Variants in CRYGA observed in about 807,000 individuals in gnomAD.
CRYGA encodes the protein gamma-crystallin A.
Under a neutral mutation model 13.8 loss-of-function variants are expected in CRYGA, and 11 were observed. The ratio of observed to expected loss-of-function variants is 0.80; its 90% CI spans 0.50 to 1.32. The LOEUF (loss-of-function observed/expected upper bound fraction) is 1.32, where lower values mean the gene tolerates loss of function less well. Ranked by LOEUF, CRYGA falls within the 40% of genes most tolerant of loss-of-function variation. The pLI, the probability that CRYGA is intolerant of heterozygous loss-of-function variation, is 0.00. For missense variants in CRYGA, 271 were observed against 234.1 expected, an observed-to-expected ratio of 1.16 and a Z score of -1.03; for synonymous variants, 97 against 89.3, an observed-to-expected ratio of 1.09 and a Z score of -0.48.
At chr2:208,162,280 G>T (rs1028221339) in intron 2 of CRYGA, among the ~76,000 whole-genome samples, 5 of 152,086 alleles carry the variant, frequency 3.3e-5, no homozygotes, top group Middle Eastern at 3.2e-3. Flanking sequence ...ACATAATTTG[G>T]TGCCAACAGA....
At position 208,160,991 on chromosome 2, in the gene CRYGA, GGA is replaced by G; in HGVS notation, c.336_337del (p.Pro113ArgfsTer7). On this transcript the variant is annotated frameshift_variant, in exon 3 of 3. Coordinates refer to ENST00000304502, the MANE Select transcript of CRYGA (RefSeq NM_014617.4). LOFTEE classifies it high-confidence loss of function. ...GATCTCAGGGAGACGGAACAGTTCT[GGA>G]ACACAGGCGCAGTCATCAGTGAGCT... 3 of 1,613,864 alleles carry G rather than the reference GGA, an allele frequency of 1.9e-6. No homozygotes were observed. Among genetic ancestry groups the G allele is most frequent in the Non-Finnish European group, 2.5e-6 (3 of 1,179,818 alleles).
chr2:208,163,088 G>T (rs1422475622), intron 2 of CRYGA, 116 bp downstream of exon 2: 2 of 825,598 alleles, frequency 2.4e-6, no homozygotes, highest in East Asian at 2.5e-5. Context: ...GTCAGGCCTT[G>T]CTATTCTTAC....
chr2:208,161,466 A>AGC (rs748760743), intron 2 of CRYGA, among the ~76,000 whole-genome samples: 138,698 of 152,268 alleles, frequency 0.91, 63,672 homozygotes, highest in Non-Finnish European at 0.96. Context: ...AAATGTTGGG[A>AGC]TTGCACCTGG....
rs531952695 is a variant in CRYGA, at chr2:208,163,449, G to T, written c.10-3C>A. The stretch of plus-strand genomic sequence containing the variant: ...TCTCGGTCCTCGTAGAAGGTGATCT[G>T]AGGTAGAAATAAGGTGACAGTAGAC... On this transcript the variant is annotated splice_region_variant and splice_polypyrimidine_tract_variant and intron_variant, in intron 1 of 2. Coordinates refer to ENST00000304502, the MANE Select transcript of CRYGA (RefSeq NM_014617.4). 2 of 1,613,564 alleles carry T rather than the reference G, an allele frequency of 1.2e-6. No individual in the cohort carries two copies. Among genetic ancestry groups the T allele is most frequent in the South Asian group, 2.2e-5 (2 of 91,044 alleles).
At chr2:208,163,501 C>T (rs374303156) in intron 1 of CRYGA, 47 bp downstream of exon 1, 545 of 1,612,292 alleles carry the variant, frequency 3.4e-4, no homozygotes, top group Non-Finnish European at 4.3e-4. Flanking sequence ...CATCCCCACA[C>T]ACCACAGACC....
intron 2 of CRYGA, among the ~76,000 whole-genome samples, chr2:208,162,358 T>C (rs1229737938): frequency 6.6e-6 from 1 of 152,208 alleles, no homozygotes; most frequent in Non-Finnish European, 1.5e-5. Context: ...CCATGTTCTA[T>C]GAAATCCTAA....
intron 2 of CRYGA, 127 bp from the exon 3 acceptor site, chr2:208,161,203 T>G: frequency 2.1e-6 from 2 of 936,298 alleles, no homozygotes; most frequent in South Asian, 1.7e-5. Flanking sequence ...ATAAAGGTCT[T>G]GCTGTGTTGC....
At position 208,163,378 on chromosome 2, in the gene CRYGA, C is replaced by A. The variant is rs201827303; in HGVS notation, c.78G>T (p.Leu26=). 814 of 1,613,938 alleles carry A rather than the reference C, an allele frequency of 5.0e-4. 9 individuals are homozygous for A. In the South Asian group the frequency reaches 8.5e-3, roughly 17 times the overall value. Residue 26 remains leucine (L), a synonymous_variant, in exon 2 of 3, where the codon CTG becomes CTT. Coordinates refer to ENST00000304502, the MANE Select transcript of CRYGA (RefSeq NM_014617.4). ...CYNCISDCPN[L]RVYFSRCNSI... is the part of the protein sequence containing the mutation. Reference sequence around the variant, plus strand: ...AGTTGCAGCGGCTGAAGTAGACCCGCAGGTTGGGGCAGTCACTGATGCAAT... The same window carrying A: ...AGTTGCAGCGGCTGAAGTAGACCCGAAGGTTGGGGCAGTCACTGATGCAAT...
In CRYGA at chr2:208,163,459, T is replaced by A; in HGVS notation, c.10-13A>T. 6 of 1,612,876 alleles carry A rather than the reference T, an allele frequency of 3.7e-6. No homozygotes were observed. Among genetic ancestry groups the A allele is most frequent in the Non-Finnish European group, 5.1e-6 (6 of 1,179,832 alleles). On this transcript the variant is annotated splice_polypyrimidine_tract_variant and intron_variant, in intron 1 of 2. Transcript: ENST00000304502. ...CGTAGAAGGTGATCTGAGGTAGAAATAAGGTGACAGTAGACAGTCAGCTGG... is the reference window on the plus strand; with the variant it reads ...CGTAGAAGGTGATCTGAGGTAGAAAAAAGGTGACAGTAGACAGTCAGCTGG...
chr2:208,160,910 C>G lies in CRYGA; in HGVS notation c.419G>C (p.Arg140Pro). 6.2e-7 allele frequency: 1 copy of G among 1,612,986 alleles called. No homozygotes were observed. The highest frequency in any genetic ancestry group is 8.5e-7 in the Non-Finnish European group (1 of 1,179,082). Residue 140 changes from arginine to proline, a missense_variant, in exon 3 of 3, where the codon CGG (arginine) becomes CCG (proline). Arg to Pro is a moderately radical substitution (Grantham distance 103). Transcript: ENST00000304502. ...AGGCCTCAGCAGATACTGCCGCCCC[C>G]GGTAGTTGGGCATTTCATAGAGGAC... ...CWVLYEMPNYRGRQYLLRPGD... is the reference protein window; with the variant it reads ...CWVLYEMPNYPGRQYLLRPGD...
chr2:208,161,152 T>C lies in CRYGA; in HGVS notation c.253-76A>G, dbSNP rs891762079. The C allele has an allele frequency of 4.4e-6, 6 of 1,373,610 alleles. No individual in the cohort carries two copies. The African/African-American group carries it at 7.2e-5, about 17-fold the overall frequency. The allele number at this position is 1,373,610 out of a possible 1,614,324, so 85.1% of individuals were successfully genotyped here. A position where few individuals can be genotyped will look rare whatever the true frequency, so the allele number is the denominator to read the frequency against. ...GTGTCAACGAAAGTGACACAATCAGTCTGCATCTTCATGAAGCATGGCTTT... is the reference window on the plus strand; with the variant it reads ...GTGTCAACGAAAGTGACACAATCAGCCTGCATCTTCATGAAGCATGGCTTT... On this transcript the variant is annotated intron_variant, in intron 2 of 2. Transcript: ENST00000304502.
Position 208,163,203 on chromosome 2 carries a change from C to T in CRYGA, c.252+1G>A. The T allele has an allele frequency of 1.2e-6, 2 of 1,611,740 alleles. No individual in the cohort carries two copies. The highest frequency in any genetic ancestry group is 1.3e-5 in the African/African-American group (1 of 74,946). Reference sequence around the variant, plus strand: ...ATCAGTCAAGTTGAAGCAAGACTCACATGAGGAATTATACGGCAGGATTGG... The same window carrying T: ...ATCAGTCAAGTTGAAGCAAGACTCATATGAGGAATTATACGGCAGGATTGG... On this transcript the variant is annotated splice_donor_variant, in intron 2 of 2. Transcript: ENST00000304502. LOFTEE classifies it high-confidence loss of function.
intron 2 of CRYGA, among the ~76,000 whole-genome samples, chr2:208,162,038 G>T (rs1040941104): frequency 6.6e-6 from 1 of 152,118 alleles, no homozygotes; most frequent in African/African-American, 2.4e-5. Flanking sequence ...CTGGGTTCAA[G>T]CAATTCTCCT....
intron 1 of CRYGA, 24 bp from the exon 2 acceptor site, chr2:208,163,470 T>TAGA: frequency 6.2e-7 from 1 of 1,612,586 alleles, no homozygotes; most frequent in Non-Finnish European, 8.5e-7. Flanking sequence ...AAGGTGACAG[T>TAGA]AGACAGTCAG....
intron 2 of CRYGA, 44 bp downstream of exon 2, chr2:208,163,160 G>C (rs777353293): frequency 3.2e-5 from 49 of 1,534,530 alleles, no homozygotes; most frequent in Non-Finnish European, 4.3e-5. Context: ...GATGGCCATG[G>C]ATCATTGATG....
Position 208,163,294 on chromosome 2 carries a change from G to A in CRYGA, c.162C>T (p.His54=). Residue 54 remains histidine, a synonymous_variant, in exon 2 of 3, where the codon CAC becomes CAT. Transcript: ENST00000304502. Reference sequence around the variant, plus strand: ...ACTTGCCTCGGCGCAGGAAGTACTGGTGGCCCTGGTAATTGGGACGCTCAT... The same window carrying A: ...ACTTGCCTCGGCGCAGGAAGTACTGATGGCCCTGGTAATTGGGACGCTCAT... ...MLYERPNYQG[H]QYFLRRGKYP... 1 of 1,614,072 alleles carries A rather than the reference G, an allele frequency of 6.2e-7. No individual in the cohort carries two copies. The highest frequency in any genetic ancestry group is 8.5e-7 in the Non-Finnish European group (1 of 1,180,032).
In CRYGA at chr2:208,160,871, C is replaced by A. The variant is rs777727117; in HGVS notation, c.458G>T (p.Arg153Met). The change falls in exon 3 of 3, where the codon AGG (arginine) becomes ATG (methionine). Residue 153 changes from arginine (R) to methionine (M), a missense_variant. Coordinates refer to ENST00000304502, the MANE Select transcript of CRYGA (RefSeq NM_014617.4). ...ATCTGCACCCCCCCAGTCGTGGTACCTTCTGTAGTCCCCAGGCCTCAGCAG... is the reference window on the plus strand; with the variant it reads ...ATCTGCACCCCCCCAGTCGTGGTACATTCTGTAGTCCCCAGGCCTCAGCAG... The part of the protein sequence containing the change: ...QYLLRPGDYR[R>M]YHDWGGADAK... 6.2e-7 allele frequency: 1 copy of A among 1,612,970 alleles called. No homozygotes were observed. The highest frequency in any genetic ancestry group is 8.5e-7 in the Non-Finnish European group (1 of 1,179,008).
Position 208,161,049 on chromosome 2 carries a change from C to T in CRYGA, c.280G>A (p.Glu94Lys), listed in dbSNP as rs754506647. 11 of 1,614,004 alleles carry T rather than the reference C, an allele frequency of 6.8e-6. No individual in the cohort carries two copies. The highest frequency in any genetic ancestry group is 2.2e-5 in the East Asian group (1 of 44,892). The change falls in exon 3 of 3, where the codon GAG becomes AAG. Residue 94 changes from glutamate to lysine, a missense_variant. Coordinates refer to ENST00000304502, the MANE Select transcript of CRYGA (RefSeq NM_014617.4). ...ATAAGGCCTCGGTAGTCATCTCTCT[C>T]GTACAGCCTTAACTTGTGCGAGCTG... ...HTSSHKLRLY[E>K]RDDYRGLMSE... is the part of the protein sequence containing the mutation.
chr2:208,163,579 G>A lies in CRYGA; in HGVS notation c.-23C>T. 1 of 1,607,758 alleles carries A rather than the reference G, an allele frequency of 6.2e-7. No homozygotes were observed. Among genetic ancestry groups the A allele is most frequent in the South Asian group, 1.1e-5 (1 of 90,616 alleles). ...CATGGTTGTTGACAGAGGGTGATTA[G>A]CATCTAGTATGATAGGGACAAAGGG... On this transcript the variant is annotated 5_prime_UTR_variant, in exon 1 of 3. Coordinates refer to ENST00000304502, the MANE Select transcript of CRYGA (RefSeq NM_014617.4).
Sources: allele counts gnomAD v4.1 joint callset (sites outside exome capture counted in the v4.1 genomes callset), GRCh38; gene constraint gnomAD v4.1.1; transcripts MANE v1.5; gene names NCBI Gene and HGNC (gene_info 2026-07-23, HGNC 2026-07-21).